PIP4K2A: variants seen among roughly 807,000 people sequenced by gnomAD.
The protein encoded by PIP4K2A is phosphatidylinositol 5-phosphate 4-kinase type-2 alpha.
A neutral mutation model predicts 42.9 loss-of-function variants in PIP4K2A; 14 were observed. The observed-to-expected ratio is 0.33, with a 90% CI of 0.22 to 0.51. PIP4K2A has a LOEUF of 0.51. Among genes scored for constraint, PIP4K2A ranks in the 20% least tolerant of loss-of-function variants. The probability of loss-of-function intolerance (pLI) is 0.97; values close to 1 mark genes in which losing one functional copy is unlikely to be tolerated. For missense variants in PIP4K2A, 434 were observed against 519.8 expected, an observed-to-expected ratio of 0.83 and a Z score of 1.61; for synonymous variants, 192 against 192.2, an observed-to-expected ratio of 1.00 and a Z score of 0.01.
At chr10:22,612,103 T>G (rs927103010) in intron 1 of PIP4K2A, among the ~76,000 whole-genome samples, 1 of 152,234 alleles carries the variant, frequency 6.6e-6, no homozygotes, top group Non-Finnish European at 1.5e-5. Flanking sequence ...TCAGCCAACA[T>G]GGAATGAGTA....
chr10:22,678,185 C>T (rs576112314), intron 1 of PIP4K2A, among the ~76,000 whole-genome samples: 2 of 152,024 alleles, frequency 1.3e-5, no homozygotes, highest in South Asian at 4.2e-4. Context: ...CTCAGTGTTA[C>T]CCCTGCCAAC....
At chr10:22,566,618 G>T (rs942507755) in intron 6 of PIP4K2A, among the ~76,000 whole-genome samples, 11 of 152,238 alleles carry the variant, frequency 7.2e-5, no homozygotes, top group Admixed American at 5.9e-4. Context: ...TCTCTGACAG[G>T]ACTGGCTTCC....
At chr10:22,597,410 G>A (rs1051035052) in intron 3 of PIP4K2A, among the ~76,000 whole-genome samples, 3 of 152,204 alleles carry the variant, frequency 2.0e-5, no homozygotes, top group African/African-American at 7.2e-5. Flanking sequence ...GTGGCACACT[G>A]CATCATGTCT....
At chr10:22,679,990 T>C (rs1487889307) in intron 1 of PIP4K2A, among the ~76,000 whole-genome samples, 1 of 152,064 alleles carries the variant, frequency 6.6e-6, no homozygotes, top group Non-Finnish European at 1.5e-5. Flanking sequence ...TATATACATT[T>C]TAGTAAATAT....
chr10:22,690,915 G>A (rs1839855134), intron 1 of PIP4K2A, among the ~76,000 whole-genome samples: 1 of 152,150 alleles, frequency 6.6e-6, no homozygotes, highest in African/African-American at 2.4e-5. Context: ...AAGAGCAGTG[G>A]GGCATCAATT....
At chr10:22,550,989 A>G (rs1019163669) in intron 6 of PIP4K2A, among the ~76,000 whole-genome samples, 3 of 152,206 alleles carry the variant, frequency 2.0e-5, no homozygotes, top group African/African-American at 7.2e-5. Flanking sequence ...TCGCAAGAGC[A>G]GTGGGGTGGG....
chr10:22,710,237 T>G (rs1194588845), intron 1 of PIP4K2A, among the ~76,000 whole-genome samples: 1 of 152,116 alleles, frequency 6.6e-6, no homozygotes, highest in African/African-American at 2.4e-5. Flanking sequence ...CCTCACAGAT[T>G]CCCACGGTAA....
At chr10:22,551,397 C>T (rs1185150311) in intron 6 of PIP4K2A, among the ~76,000 whole-genome samples, 1 of 152,170 alleles carries the variant, frequency 6.6e-6, no homozygotes, top group Non-Finnish European at 1.5e-5. Flanking sequence ...CTTCTCTTAA[C>T]ATAAACGTAT....
chr10:22,564,027 T>C (rs1836776361), intron 6 of PIP4K2A, among the ~76,000 whole-genome samples: 1 of 152,180 alleles, frequency 6.6e-6, no homozygotes, highest in South Asian at 2.1e-4. Flanking sequence ...GTCAAACAAA[T>C]TCTATTATTC....
rs183170104 is a variant in PIP4K2A, at chr10:22,544,560, G to T, written c.793-2513C>A. On this transcript the variant is annotated intron_variant, in intron 7 of 9. Coordinates refer to ENST00000376573, the MANE Select transcript of PIP4K2A (RefSeq NM_005028.5). Reference sequence around the variant, plus strand: ...CGGCTTGAGAGGTGACAGGGAAAAGGCCCCCCTTCTGCCCACACCTGCTCC... The same window carrying T: ...CGGCTTGAGAGGTGACAGGGAAAAGTCCCCCCTTCTGCCCACACCTGCTCC... 2.6e-5 allele frequency among the ~76,000 whole-genome samples: 4 copies of T among 152,262 alleles called. No individual in the cohort carries two copies. The East Asian group carries it at 7.7e-4, about 29-fold the overall frequency.
chr10:22,538,859 A>C (rs1202291039), intron 9 of PIP4K2A, among the ~76,000 whole-genome samples: 1 of 152,246 alleles, frequency 6.6e-6, no homozygotes, highest in Admixed American at 6.5e-5. Context: ...GCTATCGACA[A>C]TGTGACTGAA....
At chr10:22,568,015 T>A in intron 5 of PIP4K2A, 126 bp from the exon 6 acceptor site, 1 of 834,688 alleles carries the variant, frequency 1.2e-6, no homozygotes, top group Non-Finnish European at 2.1e-6. Context: ...TCGCAGCCCA[T>A]GCGGAATGGG....
chr10:22,584,586 C>T (rs768657691), intron 4 of PIP4K2A, among the ~76,000 whole-genome samples: 11 of 152,180 alleles, frequency 7.2e-5, no homozygotes, highest in South Asian at 4.2e-4. Flanking sequence ...GGGAGTGTGC[C>T]GGGCAGCTCC....
At chr10:22,694,254 C>T (rs954349432) in intron 1 of PIP4K2A, 8 of 152,142 alleles carry the variant, frequency 5.3e-5, no homozygotes, top group African/African-American at 1.9e-4. Context: ...TTAATTTTAC[C>T]TTAAAAGCTA....
At chr10:22,539,046 G>A (rs1272280208) in intron 9 of PIP4K2A, among the ~76,000 whole-genome samples, 1 of 152,186 alleles carries the variant, frequency 6.6e-6, no homozygotes, top group Non-Finnish European at 1.5e-5. Flanking sequence ...TCATCTGTGT[G>A]GGGTGGGCTC....
chr10:22,674,938 G>C (rs1193414541), intron 1 of PIP4K2A, among the ~76,000 whole-genome samples: 1 of 151,832 alleles, frequency 6.6e-6, no homozygotes, highest in African/African-American at 2.4e-5. Flanking sequence ...ACTCCAGCTT[G>C]GGCAACAAAA....
intron 3 of PIP4K2A, among the ~76,000 whole-genome samples, chr10:22,599,145 ATTC>A (rs1417000399): frequency 6.6e-6 from 1 of 152,220 alleles, no homozygotes; most frequent in Non-Finnish European, 1.5e-5. Flanking sequence ...AACTCCAAGC[ATTC>A]TTCTTCCTTG....
Position 22,645,560 on chromosome 10 carries a change from AAAAAAG to A in PIP4K2A, c.145-35849_145-35844del, listed in dbSNP as rs1488627289. Among the ~76,000 whole-genome samples the A allele has an allele frequency of 2.5e-3, 383 of 151,720 alleles. 2 individuals are homozygous for A. Among genetic ancestry groups the A allele is most frequent in the African/African-American group, 8.2e-3 (341 of 41,382 alleles). On this transcript the variant is annotated intron_variant, in intron 1 of 9. Coordinates refer to ENST00000376573, the MANE Select transcript of PIP4K2A (RefSeq NM_005028.5). ...AGATTCTATTTCTTTAAAAAAAAAAAAAAAAGAAAAGAAAAGAAAAGAAAGAAAAAG... is the reference window on the plus strand; with the variant it reads ...AGATTCTATTTCTTTAAAAAAAAAAAAAAAGAAAAGAAAAGAAAGAAAAAG...
At chr10:22,635,792 C>T (rs1838649139) in intron 1 of PIP4K2A, among the ~76,000 whole-genome samples, 1 of 152,148 alleles carries the variant, frequency 6.6e-6, no homozygotes, top group Non-Finnish European at 1.5e-5. Flanking sequence ...AATCACAATG[C>T]AGGACCAAGC....
Sources: allele counts gnomAD v4.1 joint callset (sites outside exome capture counted in the v4.1 genomes callset), GRCh38; gene constraint gnomAD v4.1.1; transcripts MANE v1.5; gene names NCBI Gene and HGNC (gene_info 2026-07-23, HGNC 2026-07-21).